ZNF300: variants seen among roughly 807,000 people sequenced by gnomAD.
The protein encoded by ZNF300 is zinc finger protein 300.
A neutral mutation model predicts 13.9 loss-of-function variants in ZNF300; 6 were observed. The observed-to-expected ratio is 0.43, with a 90% confidence interval of 0.24 to 0.85. ZNF300 has a LOEUF of 0.85. ZNF300 is among the 40% of genes least tolerant of loss of function. The pLI is 0.25. For missense variants in ZNF300, 662 were observed against 714.2 expected (o/e 0.93, Z 0.83); for synonymous variants, 237 against 242.2 (o/e 0.98, Z 0.20).
Position 150,895,734 on chromosome 5 carries a change from A to C in ZNF300, c.1505T>G (p.Phe502Cys), listed in dbSNP as rs1204893805. The C allele has an allele frequency of 1.2e-6, 2 of 1,613,540 alleles. No homozygotes were observed. The highest frequency in any genetic ancestry group is 1.7e-6 in the Non-Finnish European group (2 of 1,179,824). Reference protein sequence around the residue: ...PYKCSECGKAFCQKSHLIGHQ... With the variant: ...PYKCSECGKACCQKSHLIGHQ... Reference sequence around the variant, plus strand: ...TCCAATGAGATGTGACTTCTGGCAGAAGGCTTTGCCACATTCACTACATTT... The same window carrying C: ...TCCAATGAGATGTGACTTCTGGCAGCAGGCTTTGCCACATTCACTACATTT... The change falls in exon 6 of 6, where the codon TTC (phenylalanine) becomes TGC (cysteine). Residue 502 changes from phenylalanine to cysteine, a missense_variant. Coordinates refer to ENST00000274599, the MANE Select transcript of ZNF300 (RefSeq NM_052860.4).
chr5:150,896,006 A>C lies in ZNF300; in HGVS notation c.1233T>G (p.Cys411Trp), dbSNP rs922742238. Residue 411 changes from cysteine (C) to tryptophan (W), a missense_variant, in exon 6 of 6, where the codon TGT becomes TGG. Cys to Trp is a radical substitution (Grantham distance 215). Coordinates refer to ENST00000274599, the MANE Select transcript of ZNF300 (RefSeq NM_052860.4). ...CACAGAAGGCTTTCCCACATTCGGT[A>C]CACTCATACGGCTTCTCTCCAGTAT... The part of the protein sequence containing the change: ...RAHTGEKPYE[C>W]TECGKAFCEK... The C allele has an allele frequency of 1.9e-6, 3 of 1,613,456 alleles. No individual in the cohort carries two copies. The African/African-American group carries it at 4.0e-5, about 22-fold the overall frequency.
chr5:150,897,074 CA>C, intron 5 of ZNF300, 101 bp from the exon 6 acceptor site: 11 of 910,614 alleles, frequency 1.2e-5, no homozygotes, highest in Non-Finnish European at 1.6e-5. Context: ...GATGAACTCA[CA>C]AAAAAAGGAT....
chr5:150,900,002 A>G (rs1311398581), intron 3 of ZNF300, among the ~76,000 whole-genome samples: 1 of 152,020 alleles, frequency 6.6e-6, no homozygotes, highest in East Asian at 1.9e-4. Flanking sequence ...TCCCACACCA[A>G]TTCCATATTC....
Position 150,895,817 on chromosome 5 carries a change from G to A in ZNF300, c.1422C>T (p.Phe474=), listed in dbSNP as rs376162000. Residue 474 remains phenylalanine (F), a synonymous_variant, in exon 6 of 6, where the codon TTC becomes TTT. Coordinates refer to ENST00000274599, the MANE Select transcript of ZNF300 (RefSeq NM_052860.4). ...GTATGATGAGCTGTGACTTGCGGGA[G>A]AATGTCTTTCCACATTCAGTACATT... ...PYECTECGKT[F]SRKSQLIIHQ... is the part of the protein sequence containing the mutation. The A allele has an allele frequency of 3.8e-5, 61 of 1,613,522 alleles. No individual in the cohort carries two copies. The African/African-American group carries it at 6.5e-4, about 17-fold the overall frequency.
chr5:150,895,617 C>A lies in ZNF300; in HGVS notation c.1622G>T (p.Arg541Leu). The change falls in exon 6 of 6, where the codon CGA becomes CTA. Residue 541 changes from arginine to leucine, a missense_variant. Coordinates refer to ENST00000274599, the MANE Select transcript of ZNF300 (RefSeq NM_052860.4). ...SQKSHLPGHQ[R>L]IHTGEKPYIC... is the part of the protein sequence containing the mutation. ...GTAAGGTTTCTCTCCTGTATGAATT[C>A]GCTGGTGTCCCGGAAGGTGGGACTT... 6.2e-7 allele frequency: 1 copy of A among 1,613,260 alleles called. No homozygotes were observed. The highest frequency in any genetic ancestry group is 8.5e-7 in the Non-Finnish European group (1 of 1,179,576).
intron 5 of ZNF300, 131 bp downstream of exon 5, chr5:150,897,931 T>C: frequency 9.2e-7 from 1 of 1,085,112 alleles, no homozygotes; most frequent in South Asian, 1.7e-5. Context: ...TCTGAAAGGC[T>C]TCACAATTAC....
intron 3 of ZNF300, among the ~76,000 whole-genome samples, chr5:150,899,084 A>G (rs1754903717): frequency 6.6e-6 from 1 of 152,076 alleles, no homozygotes; most frequent in African/African-American, 2.4e-5. Flanking sequence ...ATGCAAAGAG[A>G]AAAAAGAAGA....
In ZNF300 at chr5:150,895,495, A is replaced by G; in HGVS notation, c.1744T>C (p.Cys582Arg). The stretch of plus-strand genomic sequence containing the variant: ...GACTTCTGGATGAAGGCCTTCCCAC[A>G]TATAGCACATTGATAGGGTCTTTCC... Reference protein sequence around the residue: ...TGERPYQCAICGKAFIQKSQL... With the variant: ...TGERPYQCAIRGKAFIQKSQL... The change falls in exon 6 of 6, where the codon TGT becomes CGT. Residue 582 changes from cysteine (C) to arginine (R), a missense_variant. Cys to Arg is a radical substitution (Grantham distance 180). Coordinates refer to ENST00000274599, the MANE Select transcript of ZNF300 (RefSeq NM_052860.4). The G allele has an allele frequency of 1.2e-6, 2 of 1,613,542 alleles. No homozygotes were observed. The highest frequency in any genetic ancestry group is 1.7e-6 in the Non-Finnish European group (2 of 1,179,694).
rs1561754291 is a variant in ZNF300, at chr5:150,895,499, A to G, written c.1740T>C (p.Ala580=). The part of the protein sequence containing the change: ...IHTGERPYQC[A]ICGKAFIQKS... The stretch of plus-strand genomic sequence containing the variant: ...TCTGGATGAAGGCCTTCCCACATAT[A>G]GCACATTGATAGGGTCTTTCCCCAG... The change falls in exon 6 of 6, where the codon GCT becomes GCC. Residue 580 remains alanine (A), a synonymous_variant. Transcript: ENST00000274599. The G allele has an allele frequency of 1.9e-6, 3 of 1,613,222 alleles. No homozygotes were observed. The highest frequency in any genetic ancestry group is 2.5e-6 in the Non-Finnish European group (3 of 1,179,594).
chr5:150,897,032 G>C (rs1409936521), intron 5 of ZNF300, 59 bp from the exon 6 acceptor site: 2 of 1,350,850 alleles, frequency 1.5e-6, no homozygotes, highest in African/African-American at 2.9e-5. Context: ...AGAGGGTAAA[G>C]AAGTAGAACA....
chr5:150,903,042 C>A, intron 3 of ZNF300, 99 bp downstream of exon 3: 1 of 1,267,478 alleles, frequency 7.9e-7, no homozygotes, highest in Non-Finnish European at 1.1e-6. Flanking sequence ...TTTGTTGTTA[C>A]CACCTTTTCC....
rs374095029 is a variant in ZNF300, at chr5:150,898,888, T to G, written c.16-334A>C. Among the ~76,000 whole-genome samples the G allele has an allele frequency of 3.0e-4, 45 of 152,098 alleles. 1 individual carries two copies. Among genetic ancestry groups the G allele is most frequent in the African/African-American group, 1.0e-3 (42 of 41,524 alleles). ...GAAATATTATGGGTTGAGTTGTATC[T>G]CCTGAATATTTATATGTTGAAGTCC... On this transcript the variant is annotated intron_variant, in intron 3 of 5. Transcript: ENST00000274599.
In ZNF300 at chr5:150,895,953, C is replaced by A. The variant is rs1342054456; in HGVS notation, c.1286G>T (p.Arg429Ile). 1 of 1,613,364 alleles carries A rather than the reference C, an allele frequency of 6.2e-7. No individual in the cohort carries two copies. The highest frequency in any genetic ancestry group is 8.5e-7 in the Non-Finnish European group (1 of 1,179,796). The change falls in exon 6 of 6, where the codon AGA becomes ATA. Residue 429 changes from arginine (R) to isoleucine (I), a missense_variant. Physicochemically the swap from Arg to Ile is moderately conservative, Grantham distance 97 (BLOSUM62 -3). Transcript: ENST00000274599. ...CEKSHLIIHK[R>I]IHTGEKPYKC... ...GTAGGGTTTCTCACCAGTGTGAATTCTTTTATGTATAATGAGGTGGGACTT... is the reference window on the plus strand; with the variant it reads ...GTAGGGTTTCTCACCAGTGTGAATTATTTTATGTATAATGAGGTGGGACTT...
intron 3 of ZNF300, among the ~76,000 whole-genome samples, chr5:150,901,463 T>C (rs1421454686): frequency 6.6e-6 from 1 of 152,066 alleles, no homozygotes. Flanking sequence ...AGTAACCACA[T>C]TTGGCTGATG....
rs943142528 is a variant in ZNF300 at position 150,894,516 on chromosome 5, C to T, written c.*908G>A. The T allele has an allele frequency of 6.6e-6, 1 of 152,110 alleles. No homozygotes were observed. The highest frequency in any genetic ancestry group is 1.9e-4 in the East Asian group (1 of 5,326). 9.4% of individuals were successfully genotyped at this position (152,110 alleles called of 1,614,324 possible). Reference sequence around the variant, plus strand: ...AGGATCAGAAGACAGTAAAATGAGCCACTTATAGGGATAGGCAATCAAAAG... The same window carrying T: ...AGGATCAGAAGACAGTAAAATGAGCTACTTATAGGGATAGGCAATCAAAAG... On this transcript the variant is annotated 3_prime_UTR_variant, in exon 6 of 6. Coordinates refer to ENST00000274599, the MANE Select transcript of ZNF300 (RefSeq NM_052860.4).
At chr5:150,900,661 T>C (rs930766334) in intron 3 of ZNF300, 3 of 152,080 alleles carry the variant, frequency 2.0e-5, no homozygotes, top group Non-Finnish European at 4.4e-5. Flanking sequence ...TGACATATAC[T>C]GGGTACTTAA....
rs1754929763 is a variant in ZNF300, at chr5:150,899,806, G to GA, written c.16-1253dup. 2.6e-5 allele frequency among the ~76,000 whole-genome samples: 4 copies of GA among 152,110 alleles called. No individual in the cohort carries two copies. The South Asian group carries it at 8.3e-4, about 32-fold the overall frequency. ...TAATAGCAGAAACTAATCTAATAGT[G>GA]ATCTGTATTATTTTAAATAAATTGT... is the stretch of plus-strand genomic sequence containing the variant. On this transcript the variant is annotated intron_variant, in intron 3 of 5. Coordinates refer to ENST00000274599, the MANE Select transcript of ZNF300 (RefSeq NM_052860.4).
chr5:150,896,337 GCAC>G lies in ZNF300; in HGVS notation c.899_901del (p.Gly300del), dbSNP rs760427400. On this transcript the variant is annotated inframe_deletion, in exon 6 of 6. Coordinates refer to ENST00000274599, the MANE Select transcript of ZNF300 (RefSeq NM_052860.4). Reference sequence around the variant, plus strand: ...CTTCTCACTGAAGGCTTTTCCGCATGCACCACAATCATATGGTTTCTTTCCAGT... The same window carrying G: ...CTTCTCACTGAAGGCTTTTCCGCATGCACAATCATATGGTTTCTTTCCAGT... 6.2e-7 allele frequency: 1 copy of G among 1,613,554 alleles called. No homozygotes were observed. The highest frequency in any genetic ancestry group is 1.3e-5 in the African/African-American group (1 of 74,980).
At chr5:150,904,292 C>T (rs570732695) in intron 1 of ZNF300, among the ~76,000 whole-genome samples, 1 of 152,078 alleles carries the variant, frequency 6.6e-6, no homozygotes, top group South Asian at 2.1e-4. Context: ...AAAGGCCTTC[C>T]CCAGTAAAAT....
Sources: gnomAD v4.1 joint callset for allele counts (sites outside exome capture counted in the v4.1 genomes callset) on GRCh38, gnomAD v4.1.1 for gene constraint, MANE v1.5 for transcripts, NCBI Gene and HGNC (gene_info 2026-07-23, HGNC 2026-07-21) for gene names.